Variants in ESRRG observed in about 807,000 individuals in gnomAD.
The protein encoded by ESRRG is estrogen-related receptor gamma.
A neutral mutation model predicts 44.0 loss-of-function variants in ESRRG; 13 were observed. That is an observed-to-expected ratio of 0.30 (90% CI 0.19 to 0.47). The LOEUF is 0.47. ESRRG is among the 20% of genes least tolerant of loss of function. ESRRG has a pLI of 1.00. For missense variants in ESRRG, 395 were observed against 580.6 expected (o/e 0.68, Z 3.29); for synonymous variants, 215 against 214.6 (o/e 1.00, Z -0.02).
At chr1:216,776,090 G>T (rs1407269485) in intron 2 of ESRRG, among the ~76,000 whole-genome samples, 1 of 151,888 alleles carries the variant, frequency 6.6e-6, no homozygotes, top group East Asian at 1.9e-4. Context: ...CCCTATAATA[G>T]CTCCCTGTTA....
At chr1:216,676,208 G>A (rs1412942355) in intron 2 of ESRRG, among the ~76,000 whole-genome samples, 1 of 151,960 alleles carries the variant, frequency 6.6e-6, no homozygotes, top group Non-Finnish European at 1.5e-5. Flanking sequence ...GCTTTTTCAT[G>A]AACTGAATTC....
intron 2 of ESRRG, among the ~76,000 whole-genome samples, chr1:216,802,469 T>C (rs992707294): frequency 2.2e-4 from 34 of 152,162 alleles, no homozygotes; most frequent in Admixed American, 9.2e-4. Flanking sequence ...TAGAAATGCA[T>C]GAACAAAATC....
At chr1:216,657,936 T>C (rs1197313523) in intron 2 of ESRRG, among the ~76,000 whole-genome samples, 2 of 152,186 alleles carry the variant, frequency 1.3e-5, no homozygotes, top group African/African-American at 2.4e-5. Flanking sequence ...ATAAGAGGCA[T>C]ACAGCATAGC....
At chr1:216,833,182 T>C (rs2095513163) in intron 2 of ESRRG, among the ~76,000 whole-genome samples, 1 of 151,858 alleles carries the variant, frequency 6.6e-6, no homozygotes, top group Non-Finnish European at 1.5e-5. Context: ...AAATTACCTA[T>C]GGATTGACCG....
chr1:216,673,969 G>A (rs2075649754), intron 2 of ESRRG, among the ~76,000 whole-genome samples: 1 of 152,106 alleles, frequency 6.6e-6, no homozygotes, highest in Non-Finnish European at 1.5e-5. Flanking sequence ...AATGGGAGTG[G>A]TTTTCACACT....
At chr1:216,874,234 C>A (rs1309217279) in intron 2 of ESRRG, among the ~76,000 whole-genome samples, 1 of 152,116 alleles carries the variant, frequency 6.6e-6, no homozygotes, top group Non-Finnish European at 1.5e-5. Flanking sequence ...CAGTTCTGAT[C>A]TCCTACTCTT....
chr1:217,029,070 A>C, intron 1 of ESRRG, among the ~76,000 whole-genome samples: 1 of 151,980 alleles, frequency 6.6e-6, no homozygotes, highest in Non-Finnish European at 1.5e-5. Context: ...AAAAAAAAAA[A>C]AGAAGAAATT....
At chr1:216,966,843 A>G (rs918722133) in intron 1 of ESRRG, among the ~76,000 whole-genome samples, 1 of 152,144 alleles carries the variant, frequency 6.6e-6, no homozygotes, top group Non-Finnish European at 1.5e-5. Context: ...CATCCTACAG[A>G]GGGTGGCTGC....
chr1:216,973,117 C>A (rs2072046097), intron 1 of ESRRG, among the ~76,000 whole-genome samples: 1 of 152,088 alleles, frequency 6.6e-6, no homozygotes, highest in Non-Finnish European at 1.5e-5. Flanking sequence ...TGTCCTAGCC[C>A]CTTGTCGGTC....
chr1:217,083,360 G>T (rs6689474), intron 1 of ESRRG, among the ~76,000 whole-genome samples: 1 of 152,098 alleles, frequency 6.6e-6, no homozygotes, highest in Non-Finnish European at 1.5e-5. Context: ...TAGTCATGGC[G>T]TAGGGCCATA....
chr1:216,670,606 C>T (rs951393602), intron 2 of ESRRG, among the ~76,000 whole-genome samples: 1 of 152,180 alleles, frequency 6.6e-6, no homozygotes, highest in African/African-American at 2.4e-5. Flanking sequence ...GGCTAGATCA[C>T]CACAAGCCCA....
At chr1:216,512,012 G>T (rs1232066537) in intron 6 of ESRRG, among the ~76,000 whole-genome samples, 2 of 152,034 alleles carry the variant, frequency 1.3e-5, no homozygotes, top group Non-Finnish European at 2.9e-5. Context: ...TTGTAACACT[G>T]GTAACCAAAT....
At chr1:216,902,217 G>C (rs572039787) in intron 2 of ESRRG, among the ~76,000 whole-genome samples, 1 of 152,168 alleles carries the variant, frequency 6.6e-6, no homozygotes, top group Non-Finnish European at 1.5e-5. Flanking sequence ...GGCTGGGTGC[G>C]GTGGCTCACG....
chr1:216,796,610 C>A (rs532950732), intron 2 of ESRRG, among the ~76,000 whole-genome samples: 25 of 152,136 alleles, frequency 1.6e-4, no homozygotes, highest in African/African-American at 6.0e-4. Flanking sequence ...AAGTCCTTCA[C>A]TGGCCTCTAC....
chr1:217,011,394 C>G (rs2078591575), intron 1 of ESRRG, among the ~76,000 whole-genome samples: 1 of 152,194 alleles, frequency 6.6e-6, no homozygotes, highest in East Asian at 1.9e-4. Context: ...TTCCTTGGAG[C>G]TAGTCTGAGT....
At chr1:217,047,884 A>G (rs1558099632) in intron 1 of ESRRG, among the ~76,000 whole-genome samples, 1 of 152,208 alleles carries the variant, frequency 6.6e-6, no homozygotes, top group Non-Finnish European at 1.5e-5. Flanking sequence ...GGGAGAGAGA[A>G]TATGCAATGG....
At chr1:217,027,246 G>T (rs560436256) in intron 1 of ESRRG, among the ~76,000 whole-genome samples, 2 of 152,006 alleles carry the variant, frequency 1.3e-5, no homozygotes, top group Non-Finnish European at 2.9e-5. Flanking sequence ...AACCAGAAAA[G>T]AATAAATACA....
chr1:216,722,562 G>T (rs1310646195), intron 1 of ESRRG, among the ~76,000 whole-genome samples: 1 of 152,002 alleles, frequency 6.6e-6, no homozygotes, highest in Non-Finnish European at 1.5e-5. Flanking sequence ...GTATTTAAGG[G>T]GAAAATTTTA....
intron 3 of ESRRG, among the ~76,000 whole-genome samples, chr1:216,641,544 C>T (rs78495903): frequency 0.026 from 3,943 of 152,306 alleles, 182 homozygotes; most frequent in African/African-American, 0.09. Context: ...ATTCATTCCT[C>T]TCTACAAAAG....
Sources: gnomAD v4.1 joint callset for allele counts (sites outside exome capture counted in the v4.1 genomes callset) on GRCh38, gnomAD v4.1.1 for gene constraint, MANE v1.5 for transcripts, NCBI Gene and HGNC (gene_info 2026-07-23, HGNC 2026-07-21) for gene names.